Variants in TSC22D1 observed in about 807,000 individuals in gnomAD.
TSC22D1 encodes the protein TSC22 domain family protein 1.
In TSC22D1, 9 loss-of-function variants were observed where a neutral mutation model predicts 74.2. That is an observed-to-expected ratio of 0.12 (90% CI 0.07 to 0.21). TSC22D1 has a LOEUF of 0.21. TSC22D1 is among the 10% of genes least tolerant of loss of function. The pLI is 1.00. For synonymous variants in TSC22D1, 586 were observed against 492.5 expected, an observed-to-expected ratio of 1.19 and a Z score of -2.51; for missense variants, 1,427 against 1,304.7, an observed-to-expected ratio of 1.09 and a Z score of -1.44.
chr13:44,436,939 A>ACTCC, intron 1 of TSC22D1: 4 of 1,026,300 alleles, frequency 3.9e-6, no homozygotes, highest in Non-Finnish European at 3.5e-6. Context: ...ACCGCCCCCT[A>ACTCC]CTCCCTTCCA....
chr13:44,574,425 CTG>C lies in TSC22D1; in HGVS notation c.1648_1649del (p.Gln550ValfsTer230). ...SQSQISQVQL[Q>X]SQELSYQQKQ... is the part of the protein sequence containing the mutation. ...TTTGCTGATAGCTCAGTTCTTGAGA[CTG>C]TAATTGTACTTGTGAGATCTGTGAC... On this transcript the variant is annotated frameshift_variant, in exon 1 of 3. Coordinates refer to ENST00000458659, the MANE Select transcript of TSC22D1 (RefSeq NM_183422.4). LOFTEE classifies it high-confidence loss of function. 6.2e-7 allele frequency: 1 copy of C among 1,614,216 alleles called. No individual in the cohort carries two copies. Among genetic ancestry groups the C allele is most frequent in the Non-Finnish European group, 8.5e-7 (1 of 1,180,036 alleles).
In TSC22D1 at chr13:44,438,054, A is replaced by G. The variant is rs185128567; in HGVS notation, c.2913-1959T>C. Among the ~76,000 whole-genome samples the G allele has an allele frequency of 4.2e-4, 64 of 152,364 alleles. 1 individual carries two copies. Among genetic ancestry groups the G allele is most frequent in the Admixed American group, 1.5e-3 (23 of 15,308 alleles). ...TTAAAATACTTGCAGGGATGCATCAATTAAGGCTACAATTTAATATACTAG... is the reference window on the plus strand; with the variant it reads ...TTAAAATACTTGCAGGGATGCATCAGTTAAGGCTACAATTTAATATACTAG... On this transcript the variant is annotated intron_variant, in intron 1 of 2. Transcript: ENST00000458659.
chr13:44,478,112 T>A (rs573227684), intron 1 of TSC22D1, among the ~76,000 whole-genome samples: 1 of 152,048 alleles, frequency 6.6e-6, no homozygotes, highest in Non-Finnish European at 1.5e-5. Context: ...TTGGGAAAAC[T>A]AGGAGAAAAT....
Position 44,573,832 on chromosome 13 carries a change from T to G in TSC22D1, c.2243A>C (p.Gln748Pro). Residue 748 changes from glutamine (Q) to proline (P), a missense_variant, in exon 1 of 3, where the codon CAG becomes CCG. Physicochemically the swap from Gln to Pro is moderately conservative, Grantham distance 76. Transcript: ENST00000458659. ...CTGCTGAATAACTGAAGGTGGAACCTGGGTAGAGGGCTGCTGCACTGCAGT... is the reference window on the plus strand; with the variant it reads ...CTGCTGAATAACTGAAGGTGGAACCGGGGTAGAGGGCTGCTGCACTGCAGT... ...IPTAVQQPST[Q>P]VPPSVIQQGA... 6.2e-7 allele frequency: 1 copy of G among 1,614,188 alleles called. No individual in the cohort carries two copies. Among genetic ancestry groups the G allele is most frequent in the Non-Finnish European group, 8.5e-7 (1 of 1,180,020 alleles).
At chr13:44,517,791 A>G (rs1169564293) in intron 1 of TSC22D1, among the ~76,000 whole-genome samples, 10 of 67,976 alleles carry the variant, frequency 1.5e-4, no homozygotes, top group African/African-American at 3.4e-4. Context: ...ATATATATAC[A>G]TATATATACA....
rs370742852 is a variant in TSC22D1, at chr13:44,551,310, G to GGTGTGTGTGTGT, written c.2912+21841_2912+21852dup. ...AAACCCAAAACCCCAATCAGCTGGGGGTGTGTGTGTGTGTGTGTGTGTGTG... is the reference window on the plus strand; with the variant it reads ...AAACCCAAAACCCCAATCAGCTGGGGGTGTGTGTGTGTGTGTGTGTGTGTGTGTGTGTGTGTG... On this transcript the variant is annotated intron_variant, in intron 1 of 2. Coordinates refer to ENST00000458659, the MANE Select transcript of TSC22D1 (RefSeq NM_183422.4). 1.4e-3 allele frequency among the ~76,000 whole-genome samples: 187 copies of GGTGTGTGTGTGT among 132,854 alleles called. 2 individuals carry two copies. The highest frequency in any genetic ancestry group is 4.6e-3 in the African/African-American group (156 of 34,016). The allele number at this position is 132,854 out of a possible 152,430, so 87.2% of individuals were successfully genotyped here. A position where few individuals can be genotyped will look rare whatever the true frequency, so the allele number is the denominator to read the frequency against.
chr13:44,454,532 G>C (rs1300568997), intron 1 of TSC22D1, among the ~76,000 whole-genome samples: 1 of 152,002 alleles, frequency 6.6e-6, no homozygotes, highest in Non-Finnish European at 1.5e-5. Flanking sequence ...TCTCCAGCCT[G>C]AAATCATTCC....
At chr13:44,460,054 A>G (rs1242164792) in intron 1 of TSC22D1, among the ~76,000 whole-genome samples, 1 of 152,198 alleles carries the variant, frequency 6.6e-6, no homozygotes, top group Non-Finnish European at 1.5e-5. Context: ...CCAGCCACAG[A>G]GGTTTCTGGC....
At chr13:44,445,635 G>A (rs1260471672) in intron 1 of TSC22D1, among the ~76,000 whole-genome samples, 2 of 151,952 alleles carry the variant, frequency 1.3e-5, no homozygotes, top group Non-Finnish European at 2.9e-5. Flanking sequence ...TCTGATAAAG[G>A]ACTTATATCC....
At chr13:44,527,832 A>G (rs1462855547) in intron 1 of TSC22D1, among the ~76,000 whole-genome samples, 1 of 152,122 alleles carries the variant, frequency 6.6e-6, no homozygotes, top group East Asian at 1.9e-4. Flanking sequence ...AAAAACACAT[A>G]GAGGTTAAAA....
Position 44,517,747 on chromosome 13 carries a change from GTA to G in TSC22D1, c.2912+55414_2912+55415del, listed in dbSNP as rs1566149557. On this transcript the variant is annotated intron_variant, in intron 1 of 2. Coordinates refer to ENST00000458659, the MANE Select transcript of TSC22D1 (RefSeq NM_183422.4). Reference sequence around the variant, plus strand: ...ATACTATATATATATACATATATACGTATATATGTGTGTGTGTATATATATAT... The same window carrying G: ...ATACTATATATATATACATATATACGTATATGTGTGTGTGTATATATATAT... 1.5e-4 allele frequency among the ~76,000 whole-genome samples: 9 copies of G among 61,892 alleles called. No homozygotes were observed. In the South Asian group the frequency reaches 1.6e-3, roughly 11 times the overall value. 40.6% of individuals were successfully genotyped at this position (61,892 alleles called of 152,430 possible). A position where few individuals can be genotyped will look rare whatever the true frequency, so the allele number is the denominator to read the frequency against.
At chr13:44,474,304 C>A (rs945640331) in intron 1 of TSC22D1, 20 of 984,880 alleles carry the variant, frequency 2.0e-5, no homozygotes, top group East Asian at 1.1e-4. Context: ...CCAGGCCCAA[C>A]TGACACTCCT....
At chr13:44,478,143 A>C (rs1342303975) in intron 1 of TSC22D1, among the ~76,000 whole-genome samples, 1 of 152,172 alleles carries the variant, frequency 6.6e-6, no homozygotes. Context: ...AACTATTTTT[A>C]AATTACTTAA....
intron 1 of TSC22D1, among the ~76,000 whole-genome samples, chr13:44,505,626 A>C (rs1359910008): frequency 6.6e-6 from 1 of 152,250 alleles, no homozygotes; most frequent in Non-Finnish European, 1.5e-5. Flanking sequence ...TTAAACAAGG[A>C]AACAACATAT....
At chr13:44,466,483 C>T (rs1171226704) in intron 1 of TSC22D1, among the ~76,000 whole-genome samples, 1 of 152,080 alleles carries the variant, frequency 6.6e-6, no homozygotes, top group Non-Finnish European at 1.5e-5. Flanking sequence ...AATACAGATT[C>T]CTTGGCCGGG....
chr13:44,469,818 C>T (rs1877498355), intron 1 of TSC22D1, among the ~76,000 whole-genome samples: 1 of 152,112 alleles, frequency 6.6e-6, no homozygotes, highest in African/African-American at 2.4e-5. Context: ...TACTACCAAG[C>T]AGAACTGAGA....
At chr13:44,501,846 T>C (rs1168882483) in intron 1 of TSC22D1, among the ~76,000 whole-genome samples, 1 of 152,190 alleles carries the variant, frequency 6.6e-6, no homozygotes, top group Non-Finnish European at 1.5e-5. Context: ...TCCATTAAAA[T>C]GGCTCTTTCC....
intron 1 of TSC22D1, among the ~76,000 whole-genome samples, chr13:44,489,223 A>AAAT (rs71202280): frequency 6.8e-6 from 1 of 147,754 alleles, no homozygotes; most frequent in African/African-American, 2.5e-5. Flanking sequence ...AAAAAAAAAA[A>AAAT]TCAGAAGAAT....
intron 1 of TSC22D1, among the ~76,000 whole-genome samples, chr13:44,572,630 T>C (rs1374010912): frequency 1.3e-5 from 2 of 152,328 alleles, no homozygotes; most frequent in East Asian, 1.9e-4. Context: ...AGTTGGTCAG[T>C]TGGAGTATGA....
Sources: gnomAD v4.1 joint callset for allele counts (sites outside exome capture counted in the v4.1 genomes callset) on GRCh38, gnomAD v4.1.1 for gene constraint, MANE v1.5 for transcripts, NCBI Gene and HGNC (gene_info 2026-07-23, HGNC 2026-07-21) for gene names.